PRELID2: variants seen among roughly 807,000 people sequenced by gnomAD.
PRELID2 encodes PRELI domain-containing protein 2.
In PRELID2, 25 loss-of-function variants were observed where a neutral mutation model predicts 28.4. The observed-to-expected ratio is 0.88, with a 90% CI of 0.64 to 1.23. The LOEUF (loss-of-function observed/expected upper bound fraction) is 1.23, where lower values mean the gene tolerates loss of function less well. Ranked by LOEUF, PRELID2 falls within the 50% of genes most tolerant of loss-of-function variation. The pLI is 0.00. For missense variants in PRELID2, 201 were observed against 214.4 expected, an observed-to-expected ratio of 0.94 and a Z score of 0.39; for synonymous variants, 76 against 71.6, an observed-to-expected ratio of 1.06 and a Z score of -0.31.
chr5:145,576,238 C>A (rs971163797), intron 1 of PRELID2, among the ~76,000 whole-genome samples: 2 of 152,058 alleles, frequency 1.3e-5, no homozygotes, highest in Admixed American at 6.6e-5. Context: ...TTCATCACCC[C>A]AAAAAGAAAC....
chr5:145,324,357 T>C, the PRELID2 span, among the ~76,000 whole-genome samples: 2 of 152,136 alleles, frequency 1.3e-5, no homozygotes, highest in Admixed American at 1.3e-4. Context: ...GCCAGTGGAA[T>C]GTCTAAAACT....
chr5:145,433,122 TA>T, the PRELID2 span, among the ~76,000 whole-genome samples: 1 of 152,164 alleles, frequency 6.6e-6, no homozygotes, highest in Non-Finnish European at 1.5e-5. Context: ...TCCCTCTGTC[TA>T]GTGTCACCTG....
chr5:145,774,380 G>A (rs1758283161), intron 5 of PRELID2, among the ~76,000 whole-genome samples: 2 of 152,186 alleles, frequency 1.3e-5, no homozygotes, highest in Non-Finnish European at 2.9e-5. Context: ...AAAATGTGTA[G>A]AGGGAAGAGA....
At chr5:145,611,893 CA>C (rs150962482) in intron 1 of PRELID2, among the ~76,000 whole-genome samples, 1,776 of 152,204 alleles carry the variant, frequency 0.012, 34 homozygotes, top group African/African-American at 0.039. Flanking sequence ...TATGAGAAGT[CA>C]AGATTTACTG....
chr5:145,269,857 T>C, the PRELID2 span, among the ~76,000 whole-genome samples: 1 of 147,086 alleles, frequency 6.8e-6, no homozygotes, highest in Non-Finnish European at 1.5e-5. Context: ...AATTCAATTT[T>C]ATATATATAC....
At chr5:145,745,970 G>T (rs1756980652) in intron 1 of PRELID2, among the ~76,000 whole-genome samples, 1 of 152,182 alleles carries the variant, frequency 6.6e-6, no homozygotes, top group Admixed American at 6.5e-5. Flanking sequence ...AATGCTAAGG[G>T]ATTTAGTTAC....
At chr5:145,659,565 T>C (rs1754454394) in intron 1 of PRELID2, among the ~76,000 whole-genome samples, 1 of 152,178 alleles carries the variant, frequency 6.6e-6, no homozygotes, top group African/African-American at 2.4e-5. Flanking sequence ...TAAAGGACTC[T>C]CCTAGCTTAG....
intron 1 of PRELID2, among the ~76,000 whole-genome samples, chr5:145,494,443 A>T (rs935647032): frequency 6.6e-6 from 1 of 152,204 alleles, no homozygotes; most frequent in African/African-American, 2.4e-5. Flanking sequence ...TTTCAACTTT[A>T]AGGTCAACAT....
the PRELID2 span, among the ~76,000 whole-genome samples, chr5:145,417,007 G>T: frequency 6.6e-6 from 1 of 151,688 alleles, no homozygotes; most frequent in African/African-American, 2.4e-5. Context: ...AAAACAGACT[G>T]CAAGCTAGAC....
At chr5:145,351,257 G>T in the PRELID2 span, among the ~76,000 whole-genome samples, 3 of 152,042 alleles carry the variant, frequency 2.0e-5, no homozygotes, top group Admixed American at 2.0e-4. Flanking sequence ...CCCAAAACTG[G>T]GTAATTTATA....
the PRELID2 span, among the ~76,000 whole-genome samples, chr5:145,362,537 A>C: frequency 2.0e-5 from 3 of 152,104 alleles, no homozygotes; most frequent in African/African-American, 7.2e-5. Flanking sequence ...ATGGCCCAGA[A>C]CCTGGTATAT....
intron 1 of PRELID2, among the ~76,000 whole-genome samples, chr5:145,666,998 G>A (rs1754608067): frequency 6.6e-6 from 1 of 152,050 alleles, no homozygotes; most frequent in Non-Finnish European, 1.5e-5. Context: ...AATAAGGAAA[G>A]AGAAGTTTTT....
Position 145,777,244 on chromosome 5 carries a change from C to G in PRELID2, c.475-12244G>C, listed in dbSNP as rs536731987. Among the ~76,000 whole-genome samples the G allele has an allele frequency of 2.4e-3, 369 of 152,200 alleles. 1 individual carries two copies. The highest frequency in any genetic ancestry group is 7.8e-3 in the African/African-American group (325 of 41,512). ...GAGACGGGGTCTCACACTCTGTTGCCCAGGCTGGAGTGCAGCAGTTCAATT... is the reference window on the plus strand; with the variant it reads ...GAGACGGGGTCTCACACTCTGTTGCGCAGGCTGGAGTGCAGCAGTTCAATT... On this transcript the variant is annotated intron_variant, in intron 5 of 6. Coordinates refer to ENST00000683046, the MANE Select transcript of PRELID2 (RefSeq NM_205846.3).
At chr5:145,820,082 T>C in intron 2 of PRELID2, 64 bp from the exon 3 acceptor site, 3 of 1,011,900 alleles carry the variant, frequency 3.0e-6, no homozygotes, top group Non-Finnish European at 4.5e-6. Context: ...TTAGTGTCAA[T>C]AAATCTTGCG....
intron 1 of PRELID2, among the ~76,000 whole-genome samples, chr5:145,655,416 A>T (rs1386049708): frequency 4.6e-5 from 7 of 152,238 alleles, no homozygotes; most frequent in Non-Finnish European, 8.8e-5. Flanking sequence ...GTTCATGTGG[A>T]ACCAAAAAAG....
chr5:145,318,673 G>A, the PRELID2 span, among the ~76,000 whole-genome samples: 1 of 152,210 alleles, frequency 6.6e-6, no homozygotes, highest in African/African-American at 2.4e-5. Context: ...CAGGACAAGG[G>A]CTTTTGGGCT....
intron 1 of PRELID2, among the ~76,000 whole-genome samples, chr5:145,834,219 T>C (rs1447531706): frequency 6.6e-6 from 1 of 152,140 alleles, no homozygotes; most frequent in African/African-American, 2.4e-5. Flanking sequence ...CAGAGCAGAT[T>C]GTGTGAGTTA....
the PRELID2 span, among the ~76,000 whole-genome samples, chr5:145,269,876 G>GTGTA: frequency 0.033 from 4,927 of 147,270 alleles, 269 homozygotes; most frequent in African/African-American, 0.12. Context: ...ACATATATAT[G>GTGTA]TATATATATA....
the PRELID2 span, among the ~76,000 whole-genome samples, chr5:145,232,607 T>G: frequency 6.6e-6 from 1 of 152,194 alleles, no homozygotes; most frequent in African/African-American, 2.4e-5. Flanking sequence ...TATATTTTTG[T>G]GTCTCAACTA....
Sources: allele counts gnomAD v4.1 joint callset (sites outside exome capture counted in the v4.1 genomes callset), GRCh38; gene constraint gnomAD v4.1.1; transcripts MANE v1.5; gene names NCBI Gene and HGNC (gene_info 2026-07-23, HGNC 2026-07-21).